The following LRRC37A2 variants were observed in gnomAD, a reference collection of about 807,000 sequenced individuals.
LRRC37A2 encodes the protein leucine rich repeat containing 37 member A2, also known as leucine-rich repeat-containing protein 37A2.
A neutral mutation model predicts 68.8 loss-of-function variants in LRRC37A2; 9 were observed. The observed-to-expected ratio is 0.13, with a 90% CI of 0.08 to 0.23. LRRC37A2 has a LOEUF of 0.23. Among genes scored for constraint, LRRC37A2 ranks in the 10% least tolerant of loss-of-function variants. The probability of loss-of-function intolerance (pLI) is 1.00; values close to 1 mark genes in which losing one functional copy is unlikely to be tolerated. For missense variants in LRRC37A2, 168 were observed against 950.4 expected (o/e 0.18, Z 10.82); for synonymous variants, 63 against 367.6 (o/e 0.17, Z 9.48).
the LRRC37A2 span, chr17:46,412,901 ATT>A: frequency 6.5e-6 from 1 of 154,376 alleles, no homozygotes; most frequent in Admixed American, 9.0e-5. Flanking sequence ...CCTGATAAAG[ATT>A]TTCTATGTGA....
At chr17:46,939,997 T>A in the LRRC37A2 span, 1 of 1,010,570 alleles carries the variant, frequency 9.9e-7, no homozygotes, top group Non-Finnish European at 1.2e-6. Flanking sequence ...ATCCTTCAGA[T>A]CTGGAAACCG....
the LRRC37A2 span, among the ~76,000 whole-genome samples, chr17:46,714,953 G>T: frequency 2.6e-5 from 4 of 152,208 alleles, no homozygotes; most frequent in Admixed American, 2.6e-4. Context: ...TTATAAAGAT[G>T]TATTGTAGAA....
At chr17:46,446,760 C>CA in the LRRC37A2 span, among the ~76,000 whole-genome samples, 1 of 630 alleles carries the variant, frequency 1.6e-3, no homozygotes, top group East Asian at 4.9e-3. Flanking sequence ...GACCCTGTCT[C>CA]AAAAAAAAAA....
chr17:46,784,772 C>CTTTT, the LRRC37A2 span, among the ~76,000 whole-genome samples: 1 of 112,354 alleles, frequency 8.9e-6, no homozygotes, highest in Admixed American at 1.1e-4. Flanking sequence ...CCCCTTTTTG[C>CTTTT]TTTTCTTTTT....
the LRRC37A2 span, among the ~76,000 whole-genome samples, chr17:46,905,174 C>T: frequency 6.6e-6 from 1 of 152,020 alleles, no homozygotes; most frequent in Admixed American, 6.6e-5. Flanking sequence ...CGGGTTCAAG[C>T]GATTCTCCCT....
the LRRC37A2 span, among the ~76,000 whole-genome samples, chr17:46,926,511 A>G: frequency 7.2e-5 from 11 of 152,126 alleles, no homozygotes; most frequent in Admixed American, 2.6e-4. Context: ...GCTTTGTTAT[A>G]TTATCACCCA....
At chr17:46,811,245 CTT>C in the LRRC37A2 span, among the ~76,000 whole-genome samples, 1 of 101,064 alleles carries the variant, frequency 9.9e-6, no homozygotes, top group African/African-American at 3.0e-5. Context: ...ACTAAGCGGC[CTT>C]AGGTGTCATC....
the LRRC37A2 span, among the ~76,000 whole-genome samples, chr17:46,780,431 T>G: frequency 6.6e-6 from 1 of 152,130 alleles, no homozygotes; most frequent in Non-Finnish European, 1.5e-5. Context: ...CCTCAAAAAG[T>G]TAAACATAGA....
At chr17:46,878,887 G>T in the LRRC37A2 span, among the ~76,000 whole-genome samples, 10 of 152,200 alleles carry the variant, frequency 6.6e-5, no homozygotes, top group African/African-American at 2.4e-4. Context: ...CACAGTGCAG[G>T]TTCTGAGGGC....
chr17:47,010,644 T>C, the LRRC37A2 span: 1 of 152,274 alleles, frequency 6.6e-6, no homozygotes, highest in Non-Finnish European at 1.5e-5. Flanking sequence ...GAGCTGTTAG[T>C]TGGGCAGGGC....
chr17:46,382,907 ACT>A, the LRRC37A2 span, among the ~76,000 whole-genome samples: 4 of 61,344 alleles, frequency 6.5e-5, no homozygotes, highest in Admixed American at 5.0e-4. Flanking sequence ...CTGCTTAGCT[ACT>A]CTGTAGTCTG....
chr17:46,808,672 A>G, the LRRC37A2 span, among the ~76,000 whole-genome samples: 1 of 152,320 alleles, frequency 6.6e-6, no homozygotes, highest in Admixed American at 6.5e-5. Context: ...CTGTTCCTAG[A>G]TAGAGAAACA....
chr17:46,797,939 G>T, the LRRC37A2 span, among the ~76,000 whole-genome samples: 1 of 152,118 alleles, frequency 6.6e-6, no homozygotes. Context: ...TTTTTTGTTT[G>T]TTGGTTTTTT....
the LRRC37A2 span, among the ~76,000 whole-genome samples, chr17:46,870,904 C>CTTTTTTTTTTTTTT: frequency 5.1e-5 from 4 of 78,388 alleles, no homozygotes; most frequent in African/African-American, 2.0e-4. Context: ...TCCACCTTTG[C>CTTTTTTTTTTTTTT]TTTTTTTTTT....
At chr17:46,778,901 C>T in the LRRC37A2 span, among the ~76,000 whole-genome samples, 2 of 152,146 alleles carry the variant, frequency 1.3e-5, no homozygotes, top group Non-Finnish European at 2.9e-5. Context: ...ACCTCTCCTC[C>T]GCCTGAATCT....
At chr17:46,850,959 C>G in the LRRC37A2 span, among the ~76,000 whole-genome samples, 1 of 152,220 alleles carries the variant, frequency 6.6e-6, no homozygotes, top group South Asian at 2.1e-4. Flanking sequence ...GTAACAGTCA[C>G]TCTCCCGTTT....
chr17:46,759,350 G>A, the LRRC37A2 span, among the ~76,000 whole-genome samples: 3 of 152,344 alleles, frequency 2.0e-5, no homozygotes, highest in Admixed American at 6.5e-5. Context: ...GCCCACAAGG[G>A]TGTGTGCTGG....
chr17:46,542,768 G>T (rs1329268142), intron 8 of LRRC37A2, among the ~76,000 whole-genome samples: 1 of 150,392 alleles, frequency 6.6e-6, no homozygotes, highest in African/African-American at 2.5e-5. Context: ...TTGTGAGTTT[G>T]TTACACAATT....
At chr17:46,909,317 C>T in the LRRC37A2 span, among the ~76,000 whole-genome samples, 2 of 152,154 alleles carry the variant, frequency 1.3e-5, no homozygotes, top group African/African-American at 2.4e-5. Flanking sequence ...AGGAGTGAGC[C>T]GCTGTGCCTG....
Sources: gnomAD v4.1 joint callset for allele counts (sites outside exome capture counted in the v4.1 genomes callset) on GRCh38, gnomAD v4.1.1 for gene constraint, MANE v1.5 for transcripts, NCBI Gene and HGNC (gene_info 2026-07-23, HGNC 2026-07-21) for gene names.